The following PRKN variants were observed in gnomAD, a reference collection of about 807,000 sequenced individuals.
PRKN encodes E3 ubiquitin-protein ligase parkin.
PRKN carries 56 observed loss-of-function variants against 59.5 expected under a neutral mutation model. The observed-to-expected ratio is 0.94, with a 90% CI of 0.76 to 1.18. The LOEUF (loss-of-function observed/expected upper bound fraction) is 1.18. Ranked by LOEUF, PRKN falls within the 50% of genes most tolerant of loss-of-function variation. The pLI is 0.00. For synonymous variants in PRKN, 250 were observed against 222.1 expected (o/e 1.13, Z -1.12); for missense variants, 657 against 596.4 (o/e 1.10, Z -1.06).
At chr6:162,545,283 G>A (rs1014291987) in intron 1 of PRKN, among the ~76,000 whole-genome samples, 3 of 152,050 alleles carry the variant, frequency 2.0e-5, no homozygotes, top group East Asian at 2.0e-4. Context: ...GTGAGACTCC[G>A]TCTGAGAAAA....
At chr6:161,622,588 C>A (rs1026461614) in intron 7 of PRKN, among the ~76,000 whole-genome samples, 2 of 152,204 alleles carry the variant, frequency 1.3e-5, no homozygotes, top group African/African-American at 4.8e-5. Flanking sequence ...TTCCCTCCAC[C>A]CCACAGTCCA....
At chr6:161,411,901 CCACT>C (rs1487501465) in intron 9 of PRKN, among the ~76,000 whole-genome samples, 1 of 146,946 alleles carries the variant, frequency 6.8e-6, no homozygotes, top group African/African-American at 2.5e-5. Context: ...ATTCATTCCT[CCACT>C]CACTCATTCC....
chr6:162,671,427 AG>A (rs1298586380), intron 1 of PRKN, among the ~76,000 whole-genome samples: 1 of 151,364 alleles, frequency 6.6e-6, no homozygotes, highest in Non-Finnish European at 1.5e-5. Flanking sequence ...TGAACCCGGA[AG>A]GCGGAGGATG....
chr6:162,208,581 C>T (rs116755856), intron 3 of PRKN, among the ~76,000 whole-genome samples: 1,570 of 152,050 alleles, frequency 0.01, 19 homozygotes, highest in African/African-American at 0.026. Context: ...CATACCAAGA[C>T]AAAACTGTAG....
intron 4 of PRKN, among the ~76,000 whole-genome samples, chr6:162,192,193 G>A (rs1279108887): frequency 2.0e-5 from 3 of 151,972 alleles, no homozygotes; most frequent in Non-Finnish European, 4.4e-5. Flanking sequence ...TAAGATTGTA[G>A]ATCACTTAAC....
chr6:162,426,738 T>C (rs1400299743), intron 2 of PRKN, among the ~76,000 whole-genome samples: 1 of 152,182 alleles, frequency 6.6e-6, no homozygotes, highest in East Asian at 1.9e-4. Context: ...TGAGCCACCA[T>C]ACCCAGCCAA....
At chr6:162,533,666 A>T (rs999925704) in intron 1 of PRKN, among the ~76,000 whole-genome samples, 1 of 152,104 alleles carries the variant, frequency 6.6e-6, no homozygotes. Context: ...TTGTCTGAGC[A>T]TGTATTTTCT....
chr6:162,346,085 C>A (rs1784392143), intron 2 of PRKN, among the ~76,000 whole-genome samples: 1 of 152,140 alleles, frequency 6.6e-6, no homozygotes, highest in Non-Finnish European at 1.5e-5. Flanking sequence ...TAGGACATTC[C>A]AGCCTTCAGA....
intron 3 of PRKN, among the ~76,000 whole-genome samples, chr6:162,218,774 G>A (rs778710060): frequency 3.9e-5 from 6 of 152,056 alleles, no homozygotes; most frequent in Admixed American, 6.6e-5. Context: ...AAATGGGGTG[G>A]TAGATAATGC....
chr6:162,476,858 G>A (rs1327110052), intron 1 of PRKN, among the ~76,000 whole-genome samples: 3 of 152,152 alleles, frequency 2.0e-5, no homozygotes, highest in Non-Finnish European at 4.4e-5. Context: ...TAAGCAAAGG[G>A]AAGGGAGAGA....
chr6:162,479,411 T>C (rs1399009164), intron 1 of PRKN, among the ~76,000 whole-genome samples: 1 of 152,028 alleles, frequency 6.6e-6, no homozygotes, highest in Non-Finnish European at 1.5e-5. Context: ...GTATTTTTAG[T>C]AGAGATGGGG....
chr6:161,414,673 G>T lies in PRKN; in HGVS notation c.1084-27796C>A, dbSNP rs750465640. ...ACAGCTACTGCACATCTGATGAAGA[G>T]GATTTTTTTTAACTGAGTAAGGTCA... On this transcript the variant is annotated intron_variant, in intron 9 of 11. Transcript: ENST00000366898. This position sits in a 1 kb window ranked among gnomAD's most constrained non-coding sequence, Gnocchi z 5.3. 6.6e-5 allele frequency among the ~76,000 whole-genome samples: 10 copies of T among 152,194 alleles called. No individual in the cohort carries two copies. Among genetic ancestry groups the T allele is most frequent in the Non-Finnish European group, 1.3e-4 (9 of 68,044 alleles).
chr6:161,517,738 T>TAAAA (rs1778665464), intron 9 of PRKN, among the ~76,000 whole-genome samples: 1 of 3,376 alleles, frequency 3.0e-4, no homozygotes, highest in Admixed American at 3.8e-3. Context: ...AGACTCTATC[T>TAAAA]CAAAAAAAAA....
chr6:162,152,219 TTAAG>T (rs1485994713), intron 4 of PRKN, among the ~76,000 whole-genome samples: 6 of 152,180 alleles, frequency 3.9e-5, no homozygotes, highest in African/African-American at 1.4e-4. Flanking sequence ...TTTTCATTGA[TTAAG>T]TAAGGTCTTA....
intron 1 of PRKN, among the ~76,000 whole-genome samples, chr6:162,572,433 T>G (rs941901100): frequency 1.3e-5 from 2 of 152,160 alleles, no homozygotes; most frequent in African/African-American, 4.8e-5. Flanking sequence ...CCAGCTTAGC[T>G]CCTCTTGCTC....
chr6:162,179,144 T>G (rs775531650), intron 4 of PRKN, among the ~76,000 whole-genome samples: 76 of 152,224 alleles, frequency 5.0e-4, no homozygotes, highest in Non-Finnish European at 9.1e-4. Context: ...CCTCTCGAAG[T>G]GCTGGGATTA....
At chr6:161,959,911 G>A (rs1163397261) in intron 6 of PRKN, among the ~76,000 whole-genome samples, 1 of 152,170 alleles carries the variant, frequency 6.6e-6, no homozygotes, top group Non-Finnish European at 1.5e-5. Flanking sequence ...CAATGAAATC[G>A]GTGGTGGGTT....
At chr6:162,616,022 C>T (rs762835171) in intron 1 of PRKN, among the ~76,000 whole-genome samples, 4 of 152,120 alleles carry the variant, frequency 2.6e-5, no homozygotes, top group Non-Finnish European at 4.4e-5. Flanking sequence ...ATTCTATACC[C>T]GTATATTCAA....
intron 2 of PRKN, among the ~76,000 whole-genome samples, chr6:162,285,758 A>G (rs1781160203): frequency 6.6e-6 from 1 of 152,088 alleles, no homozygotes; most frequent in Non-Finnish European, 1.5e-5. Flanking sequence ...ATTCCTTAAC[A>G]TTTAGGGTTG....
Sources: allele counts gnomAD v4.1 joint callset (sites outside exome capture counted in the v4.1 genomes callset), GRCh38; gene constraint gnomAD v4.1.1; non-coding constraint Gnocchi (gnomAD v3.1); transcripts MANE v1.5; gene names NCBI Gene and HGNC (gene_info 2026-07-23, HGNC 2026-07-21).